The following ARHGAP12 variants were observed in gnomAD, a reference collection of about 807,000 sequenced individuals.
ARHGAP12 encodes the protein rho GTPase-activating protein 12.
A neutral mutation model predicts 108.6 loss-of-function variants in ARHGAP12; 64 were observed. The ratio of observed to expected loss-of-function variants is 0.59; its 90% CI spans 0.48 to 0.73. The LOEUF (loss-of-function observed/expected upper bound fraction) is 0.73. Ranked by LOEUF, ARHGAP12 falls within the 30% of genes least tolerant of loss-of-function variation. The pLI, the probability that ARHGAP12 is intolerant of heterozygous loss-of-function variation, is 0.00. For synonymous variants in ARHGAP12, 312 were observed against 337.2 expected (o/e 0.93, Z 0.82); for missense variants, 940 against 1,005.9 (o/e 0.93, Z 0.89).
rs772592251 is a variant in ARHGAP12 at position 31,809,101 on chromosome 10, T to C, written c.2156A>G (p.Lys719Arg). The C allele has an allele frequency of 6.2e-7, 1 of 1,613,642 alleles. No individual in the cohort carries two copies. Among genetic ancestry groups the C allele is most frequent in the Non-Finnish European group, 8.5e-7 (1 of 1,179,820 alleles). ...HDEKLDLNDSKWEDIHVITGA... is the reference protein window; with the variant it reads ...HDEKLDLNDSRWEDIHVITGA... ...AGTAATGACATGAATATCTTCCCAT[T>C]TACTGTCATTCAAGTCCAATTTCTC... Residue 719 changes from lysine to arginine, a missense_variant, in exon 18 of 20, where the codon AAA (lysine) becomes AGA (arginine). Physicochemically the swap from Lys to Arg is conservative, Grantham distance 26. Coordinates refer to ENST00000344936, the MANE Select transcript of ARHGAP12 (RefSeq NM_018287.7).
At position 31,839,677 on chromosome 10, in the gene ARHGAP12, T is replaced by A. The variant is rs1157991710; in HGVS notation, c.1331A>T (p.Glu444Val). Residue 444 changes from glutamate to valine, a missense_variant, in exon 8 of 20, where the codon GAA (glutamate) becomes GTA (valine). By Grantham distance (121) the Glu-to-Val change is moderately radical. Coordinates refer to ENST00000344936, the MANE Select transcript of ARHGAP12 (RefSeq NM_018287.7). ...TGGTGAGGAGGGAGAAGACTCATTT[T>A]CAGGAAAGCAGGGTTTTGAGGCAGT... Reference protein sequence around the residue: ...SPTASKPCFPENESSPSSPKH... With the variant: ...SPTASKPCFPVNESSPSSPKH... 6.2e-7 allele frequency: 1 copy of A among 1,609,138 alleles called. No homozygotes were observed. Among genetic ancestry groups the A allele is most frequent in the African/African-American group, 1.3e-5 (1 of 74,864 alleles).
rs189977847 is a variant in ARHGAP12, at chr10:31,853,062, C to G, written c.1090-465G>C. On this transcript the variant is annotated intron_variant, in intron 5 of 19. Transcript: ENST00000344936. ...AATTTCTAACTAATTATACTAAAAG[C>G]CTTGCATTTTAAGTTTGGTAAGAAT... Among the ~76,000 whole-genome samples, 199 of 152,258 alleles carry G rather than the reference C, an allele frequency of 1.3e-3. 1 individual carries two copies. The highest frequency in any genetic ancestry group is 6.6e-3 in the South Asian group (32 of 4,824).
chr10:31,857,411 G>A (rs1051991448), intron 4 of ARHGAP12, among the ~76,000 whole-genome samples: 1 of 152,200 alleles, frequency 6.6e-6, no homozygotes, highest in African/African-American at 2.4e-5. Flanking sequence ...GCTGGATCTT[G>A]AAATACTGAA....
In ARHGAP12 at chr10:31,806,978, C is replaced by G. The variant is rs1834842257; in HGVS notation, c.*680G>C. 1 of 152,266 alleles carries G rather than the reference C, an allele frequency of 6.6e-6. No individual in the cohort carries two copies. The highest frequency in any genetic ancestry group is 1.9e-4 in the East Asian group (1 of 5,196). The allele number at this position is 152,266 out of a possible 1,614,324, so 9.4% of individuals were successfully genotyped here. A position where few individuals can be genotyped will look rare whatever the true frequency, so the allele number is the denominator to read the frequency against. ...CTACAATTCAGTATAGCAAGACAGC[C>G]CTAAAATGCCCTGAACTGACTTCCG... is the stretch of plus-strand genomic sequence containing the variant. On this transcript the variant is annotated 3_prime_UTR_variant, in exon 20 of 20. Coordinates refer to ENST00000344936, the MANE Select transcript of ARHGAP12 (RefSeq NM_018287.7).
At chr10:31,851,258 T>C (rs1423131605) in intron 6 of ARHGAP12, among the ~76,000 whole-genome samples, 1 of 152,206 alleles carries the variant, frequency 6.6e-6, no homozygotes, top group Non-Finnish European at 1.5e-5. Flanking sequence ...GAATAGTTTT[T>C]CCTGTTGAGC....
At chr10:31,925,782 G>A (rs1564440828) in intron 1 of ARHGAP12, among the ~76,000 whole-genome samples, 6 of 152,186 alleles carry the variant, frequency 3.9e-5, no homozygotes. Flanking sequence ...GTTCGATACA[G>A]CAGTCACTAG....
chr10:31,830,538 T>G (rs1664177677), intron 10 of ARHGAP12, among the ~76,000 whole-genome samples: 1 of 152,012 alleles, frequency 6.6e-6, no homozygotes, highest in African/African-American at 2.4e-5. Context: ...GATACATAAT[T>G]GTAGTATTTA....
intron 3 of ARHGAP12, among the ~76,000 whole-genome samples, chr10:31,899,746 T>C (rs1838845607): frequency 1.3e-5 from 2 of 152,170 alleles, no homozygotes; most frequent in Admixed American, 1.3e-4. Context: ...CAGGCCTATA[T>C]TTAAGGTGAG....
chr10:31,820,040 C>G (rs1296000694), intron 12 of ARHGAP12, among the ~76,000 whole-genome samples: 1 of 151,904 alleles, frequency 6.6e-6, no homozygotes, highest in Admixed American at 6.6e-5. Context: ...CCCATACACC[C>G]CCTGCCCACC....
At chr10:31,899,198 G>A (rs1838825889) in intron 3 of ARHGAP12, among the ~76,000 whole-genome samples, 1 of 152,142 alleles carries the variant, frequency 6.6e-6, no homozygotes, top group Admixed American at 6.5e-5. Flanking sequence ...ATAGCTAAAG[G>A]TTATAGAAAA....
intron 3 of ARHGAP12, among the ~76,000 whole-genome samples, chr10:31,884,965 T>G (rs961757419): frequency 4.6e-5 from 7 of 152,192 alleles, no homozygotes; most frequent in Admixed American, 3.9e-4. Context: ...TTTTTAATTT[T>G]GGGGGTACAT....
At chr10:31,891,498 C>G (rs1564415470) in intron 3 of ARHGAP12, among the ~76,000 whole-genome samples, 1 of 152,192 alleles carries the variant, frequency 6.6e-6, no homozygotes, top group Non-Finnish European at 1.5e-5. Flanking sequence ...ACCTTTCTCT[C>G]TGGCTGCCCT....
chr10:31,859,326 T>C (rs1837021048), intron 4 of ARHGAP12, among the ~76,000 whole-genome samples: 1 of 152,206 alleles, frequency 6.6e-6, no homozygotes, highest in Admixed American at 6.5e-5. Context: ...GGTCTAACAC[T>C]GGGGATTCCC....
At position 31,890,783 on chromosome 10, in the gene ARHGAP12, A is replaced by G. The variant is rs1838394457; in HGVS notation, c.684+17389T>C. On this transcript the variant is annotated intron_variant, in intron 3 of 19. Transcript: ENST00000344936. ...AGTAAAATCTCTAACAAACATTAAA[A>G]CAAAAAGGACTTTATACCTAATCCT... 2.0e-5 allele frequency among the ~76,000 whole-genome samples: 3 copies of G among 152,208 alleles called. No homozygotes were observed. In the South Asian group the frequency reaches 6.2e-4, roughly 31 times the overall value.
At chr10:31,920,550 G>A (rs1839761382) in intron 1 of ARHGAP12, among the ~76,000 whole-genome samples, 1 of 150,172 alleles carries the variant, frequency 6.7e-6, no homozygotes, top group African/African-American at 2.5e-5. Context: ...GTCATCTACT[G>A]GAAAAAAAAA....
intron 3 of ARHGAP12, among the ~76,000 whole-genome samples, chr10:31,878,960 TAA>T (rs781583401): frequency 7.9e-5 from 12 of 152,220 alleles, no homozygotes; most frequent in East Asian, 1.9e-4. Context: ...CCTTTAACAT[TAA>T]GAGTCCCCTT....
At chr10:31,820,528 TCA>T in intron 11 of ARHGAP12, 40 bp from the exon 12 acceptor site, 2 of 1,284,058 alleles carry the variant, frequency 1.6e-6, no homozygotes, top group Non-Finnish European at 2.2e-6. Context: ...CATGTGATAC[TCA>T]CATATATGTG....
chr10:31,808,729 G>C lies in ARHGAP12; in HGVS notation c.2286C>G (p.Val762=), dbSNP rs1204792270. The C allele has an allele frequency of 1.2e-6, 2 of 1,613,604 alleles. No individual in the cohort carries two copies. The highest frequency in any genetic ancestry group is 8.5e-7 in the Non-Finnish European group (1 of 1,179,748). Residue 762 remains valine (V), a synonymous_variant, in exon 19 of 20, where the codon GTC becomes GTG. Coordinates refer to ENST00000344936, the MANE Select transcript of ARHGAP12 (RefSeq NM_018287.7). ...NAIKQEPRQR[V]AAVKDLIRQL... ...GTCTGATTAGGTCCTTAACAGCAGC[G>C]ACTCGCTGTCTTGGTTCTTGCTCTG...
At chr10:31,838,908 G>A (rs964693731) in intron 9 of ARHGAP12, among the ~76,000 whole-genome samples, 24 of 152,034 alleles carry the variant, frequency 1.6e-4, no homozygotes, top group African/African-American at 4.3e-4. Context: ...AGGCTGAGAC[G>A]GGAGAATCAC....
Sources: allele counts gnomAD v4.1 joint callset (sites outside exome capture counted in the v4.1 genomes callset), GRCh38; gene constraint gnomAD v4.1.1; transcripts MANE v1.5; gene names NCBI Gene and HGNC (gene_info 2026-07-23, HGNC 2026-07-21).